TSNAX: variants seen among roughly 807,000 people sequenced by gnomAD.
The protein encoded by TSNAX is translin associated factor X.
Under a neutral mutation model 33.0 loss-of-function variants are expected in TSNAX, and 12 were observed. The observed-to-expected ratio is 0.36, with a 90% CI of 0.23 to 0.59. The LOEUF (loss-of-function observed/expected upper bound fraction) is 0.59. TSNAX is among the 20% of genes least tolerant of loss of function. The pLI, the probability that TSNAX is intolerant of heterozygous loss-of-function variation, is 0.74. For synonymous variants in TSNAX, 110 were observed against 117.2 expected, an observed-to-expected ratio of 0.94 and a Z score of 0.40; for missense variants, 267 against 341.3, an observed-to-expected ratio of 0.78 and a Z score of 1.72.
intron 4 of TSNAX, among the ~76,000 whole-genome samples, chr1:231,550,196 T>C (rs1660208686): frequency 6.6e-6 from 1 of 152,246 alleles, no homozygotes; most frequent in Non-Finnish European, 1.5e-5. Context: ...CTTCAACATA[T>C]AATCAGCATA....
chr1:231,547,321 C>CTCTG (rs1405128209), intron 4 of TSNAX, among the ~76,000 whole-genome samples: 1 of 150,772 alleles, frequency 6.6e-6, no homozygotes, highest in Admixed American at 6.6e-5. Flanking sequence ...TATTATCCAT[C>CTCTG]TCTGATAGCT....
chr1:231,561,302 C>A, intron 5 of TSNAX, 47 bp downstream of exon 5: 2 of 1,360,820 alleles, frequency 1.5e-6, no homozygotes, highest in South Asian at 1.3e-5. Flanking sequence ...ATTTATGTAA[C>A]AGTATGACGA....
chr1:231,550,977 A>C (rs1447535819), intron 4 of TSNAX, among the ~76,000 whole-genome samples: 2 of 152,216 alleles, frequency 1.3e-5, no homozygotes, highest in Non-Finnish European at 2.9e-5. Context: ...GAATTATTGG[A>C]ATGATTTGAG....
At chr1:231,559,385 G>C (rs557634582) in intron 4 of TSNAX, among the ~76,000 whole-genome samples, 1 of 152,254 alleles carries the variant, frequency 6.6e-6, no homozygotes, top group Admixed American at 6.5e-5. Context: ...CTGGAGTGCA[G>C]TGGCACAATC....
At chr1:231,542,087 T>G (rs1659610873) in intron 3 of TSNAX, among the ~76,000 whole-genome samples, 1 of 152,186 alleles carries the variant, frequency 6.6e-6, no homozygotes, top group Non-Finnish European at 1.5e-5. Flanking sequence ...TCTCCTCCCT[T>G]TCCCCAGGGA....
chr1:231,553,392 C>T (rs1660465382), intron 4 of TSNAX, among the ~76,000 whole-genome samples: 2 of 152,180 alleles, frequency 1.3e-5, no homozygotes, highest in Admixed American at 1.3e-4. Context: ...AAGCAACCTA[C>T]AGACTTCTCT....
chr1:231,542,660 A>T (rs1405726505), intron 4 of TSNAX, 49 bp downstream of exon 4: 10 of 1,560,294 alleles, frequency 6.4e-6, no homozygotes, highest in Non-Finnish European at 8.7e-6. Context: ...ATGGTGTGCT[A>T]CATGATTAAC....
intron 4 of TSNAX, among the ~76,000 whole-genome samples, chr1:231,545,046 A>AT (rs1214667750): frequency 6.6e-6 from 1 of 151,726 alleles, no homozygotes; most frequent in Non-Finnish European, 1.5e-5. Flanking sequence ...TTAAAATGAG[A>AT]TTCTTTGAAT....
chr1:231,550,103 C>T (rs1419583306), intron 4 of TSNAX, among the ~76,000 whole-genome samples: 1 of 152,208 alleles, frequency 6.6e-6, no homozygotes, highest in Non-Finnish European at 1.5e-5. Flanking sequence ...AAGTACACCT[C>T]AATGGACTAA....
At chr1:231,548,717 T>C (rs755507521) in intron 4 of TSNAX, among the ~76,000 whole-genome samples, 67 of 152,324 alleles carry the variant, frequency 4.4e-4, no homozygotes, top group Non-Finnish European at 8.2e-4. Context: ...ATTGGAAATC[T>C]TAGGACGTAC....
intron 2 of TSNAX, among the ~76,000 whole-genome samples, chr1:231,531,417 G>C (rs750685651): frequency 6.6e-6 from 1 of 152,140 alleles, no homozygotes; most frequent in African/African-American, 2.4e-5. Context: ...CGTGGTTTCT[G>C]CTTTCATAAG....
intron 4 of TSNAX, chr1:231,554,751 T>C (rs1410457153): frequency 6.6e-6 from 1 of 152,096 alleles, no homozygotes; most frequent in Non-Finnish European, 1.5e-5. Context: ...AGGAATTTAG[T>C]GTGGAAAAAT....
intron 2 of TSNAX, chr1:231,536,084 C>T (rs1659150978): frequency 6.6e-6 from 1 of 152,124 alleles, no homozygotes; most frequent in Admixed American, 6.5e-5. Context: ...TTTCAGCTGA[C>T]TTTTTTCCAG....
chr1:231,531,129 A>T (rs569791509), intron 2 of TSNAX, among the ~76,000 whole-genome samples: 28 of 151,832 alleles, frequency 1.8e-4, no homozygotes, highest in Admixed American at 4.6e-4. Flanking sequence ...TAATTTTTTT[A>T]AATTTTTTTG....
intron 3 of TSNAX, among the ~76,000 whole-genome samples, chr1:231,541,946 G>C (rs537958823): frequency 6.6e-6 from 1 of 151,968 alleles, no homozygotes; most frequent in African/African-American, 2.4e-5. Flanking sequence ...TAGCTGTCTC[G>C]ATCCCCCAAA....
chr1:231,541,292 G>A (rs2124901129), intron 3 of TSNAX, among the ~76,000 whole-genome samples: 1 of 152,142 alleles, frequency 6.6e-6, no homozygotes, highest in African/African-American at 2.4e-5. Flanking sequence ...GTACAATACT[G>A]TGTTTACTAA....
intron 4 of TSNAX, among the ~76,000 whole-genome samples, chr1:231,551,095 A>G (rs1660266426): frequency 2.6e-5 from 4 of 152,224 alleles, no homozygotes; most frequent in African/African-American, 9.6e-5. Context: ...ATTTATTTAT[A>G]TAGTACTTTA....
At chr1:231,541,457 C>A (rs1473394605) in intron 3 of TSNAX, among the ~76,000 whole-genome samples, 1 of 152,160 alleles carries the variant, frequency 6.6e-6, no homozygotes, top group African/African-American at 2.4e-5. Flanking sequence ...GTATAAAAAT[C>A]TTATACTTCC....
At chr1:231,535,697 C>T (rs1174413729) in intron 2 of TSNAX, 2 of 151,988 alleles carry the variant, frequency 1.3e-5, no homozygotes, top group African/African-American at 2.4e-5. Context: ...AAGTGCTGAT[C>T]GAATACAGGT....
Sources: allele counts gnomAD v4.1 joint callset (sites outside exome capture counted in the v4.1 genomes callset), GRCh38; gene constraint gnomAD v4.1.1; transcripts MANE v1.5; gene names NCBI Gene and HGNC (gene_info 2026-07-23, HGNC 2026-07-21).